Variants in KIF7 observed in about 807,000 individuals in gnomAD.
KIF7 encodes kinesin family member 7.
KIF7 carries 104 observed loss-of-function variants against 135.7 expected under a neutral mutation model. The observed-to-expected ratio is 0.77, with a 90% CI of 0.65 to 0.90. The LOEUF (loss-of-function observed/expected upper bound fraction) is 0.90, where lower values mean the gene tolerates loss of function less well. KIF7 is among the 40% of genes least tolerant of loss of function. The pLI is 0.00. For synonymous variants in KIF7, 883 were observed against 809.4 expected, an observed-to-expected ratio of 1.09 and a Z score of -1.54; for missense variants, 2,005 against 1,839.1, an observed-to-expected ratio of 1.09 and a Z score of -1.65.
intron 11 of KIF7, 129 bp downstream of exon 11, chr15:89,642,074 G>A: frequency 1.0e-6 from 1 of 960,288 alleles, no homozygotes; most frequent in Non-Finnish European, 1.6e-6. Context: ...TCACCCTGCA[G>A]GGCCAGGGCT....
rs1596064027 is a variant in KIF7 at position 89,628,697 on chromosome 15, A to G, written c.3754T>C (p.Ser1252Pro). The G allele has an allele frequency of 6.2e-7, 1 of 1,612,696 alleles. No individual in the cohort carries two copies. Among genetic ancestry groups the G allele is most frequent in the South Asian group, 1.1e-5 (1 of 91,068 alleles). ...LHLAPELLWL[S>P]PLTEGAPRTR... ...CGGGGGGCCCCCTCAGTGAGGGGGGACAGCCAGAGAAGCTCGGGTGCCAGG... is the reference window on the plus strand; with the variant it reads ...CGGGGGGCCCCCTCAGTGAGGGGGGGCAGCCAGAGAAGCTCGGGTGCCAGG... Residue 1252 changes from serine to proline, a missense_variant, in exon 19 of 19, where the codon TCC becomes CCC. Coordinates refer to ENST00000394412, the MANE Select transcript of KIF7 (RefSeq NM_198525.3).
downstream of KIF7, chr15:89,626,047 G>A (rs1394780799): frequency 6.2e-7 from 1 of 1,613,932 alleles, no homozygotes. Context: ...TCCTCTCAGA[G>A]CAAAGACCCC....
At chr15:89,629,896 T>G in intron 16 of KIF7, 1 of 522,534 alleles carries the variant, frequency 1.9e-6, no homozygotes, top group East Asian at 3.4e-5. Context: ...GACCAGATAA[T>G]TCTTGGTTGT....
chr15:89,652,664 A>G lies in KIF7; in HGVS notation c.267T>C (p.Thr89=). ...AGCCCGTCTGACCATAGGCAAAGAC[A>G]GTGGCATTGAAGCCCTCGAAGAAGG... ...LEAFFEGFNA[T]VFAYGQTGSG... The change falls in exon 2 of 19, where the codon ACT becomes ACC. Residue 89 remains threonine (T), a synonymous_variant. Coordinates refer to ENST00000394412, the MANE Select transcript of KIF7 (RefSeq NM_198525.3). The G allele has an allele frequency of 4.5e-6, 7 of 1,550,848 alleles. No homozygotes were observed. The highest frequency in any genetic ancestry group is 6.1e-6 in the Non-Finnish European group (7 of 1,146,152).
chr15:89,620,272 G>A (rs186396553), intron 1 of KIF7, among the ~76,000 whole-genome samples: 92 of 151,646 alleles, frequency 6.1e-4, no homozygotes, highest in Non-Finnish European at 9.9e-4. Context: ...GCAGTGGCAC[G>A]AACACAGCTC....
chr15:89,635,436 T>A (rs566212950), intron 11 of KIF7, among the ~76,000 whole-genome samples: 12 of 152,234 alleles, frequency 7.9e-5, no homozygotes, highest in Middle Eastern at 3.4e-3. Context: ...TGAAAAAAGT[T>A]TAGAAGAATG....
At chr15:89,627,245 C>CCAT (rs1963549075), downstream of KIF7, 2 of 829,716 alleles carry the variant, frequency 2.4e-6, no homozygotes, top group Non-Finnish European at 3.7e-6. Context: ...TGGATCCAAT[C>CCAT]CATCTCCTGG....
At chr15:89,660,312 G>GAT (rs1964245501), upstream of KIF7, among the ~76,000 whole-genome samples, 2 of 152,170 alleles carry the variant, frequency 1.3e-5, no homozygotes, top group Non-Finnish European at 2.9e-5. Flanking sequence ...TAGGACTTCT[G>GAT]ATTTTTAATT....
chr15:89,632,296 C>A lies in KIF7; in HGVS notation c.2895+524G>T, dbSNP rs75495109. On this transcript the variant is annotated intron_variant, in intron 14 of 18. Coordinates refer to ENST00000394412, the MANE Select transcript of KIF7 (RefSeq NM_198525.3). ...CCAGCCATCATGGTAACATTATGAT[C>A]CCATCTGACAGAAGACAACGCTGTG... Among the ~76,000 whole-genome samples the A allele has an allele frequency of 4.3e-3, 656 of 152,290 alleles. 3 individuals are homozygous for A. The highest frequency in any genetic ancestry group is 0.015 in the African/African-American group (636 of 41,550).
At chr15:89,617,794 C>A (rs551772662) in intron 2 of KIF7, among the ~76,000 whole-genome samples, 17 of 151,008 alleles carry the variant, frequency 1.1e-4, no homozygotes, top group Non-Finnish European at 2.4e-4. Flanking sequence ...CGGGTTCAAG[C>A]GATTCTCTTG....
Position 89,642,365 on chromosome 15 carries a change from A to G in KIF7, c.2232T>C (p.Arg744=), listed in dbSNP as rs1963939624. 1 of 1,609,546 alleles carries G rather than the reference A, an allele frequency of 6.2e-7. No individual in the cohort carries two copies. The highest frequency in any genetic ancestry group is 8.5e-7 in the Non-Finnish European group (1 of 1,178,632). Residue 744 remains arginine (R), a synonymous_variant, in exon 11 of 19, where the codon CGT becomes CGC. Transcript: ENST00000394412. ...AQALNRQHSQ[R]IRELEQEAEQ... is the part of the protein sequence containing the mutation. ...CTGCCTCCTGCTCCAGCTCCCGGAT[A>G]CGCTGGCTGTGCTGGCGGTTCAGGG...
At chr15:89,633,059 A>G (rs1351272841) in intron 13 of KIF7, 63 bp from the exon 14 acceptor site, 2 of 1,595,956 alleles carry the variant, frequency 1.3e-6, no homozygotes, top group Non-Finnish European at 1.7e-6. Flanking sequence ...GTCAGCCGCC[A>G]CTCGAGGTTC....
At position 89,652,881 on chromosome 15, in the gene KIF7, C is replaced by G; in HGVS notation, c.50G>C (p.Arg17Pro). 1 of 1,540,194 alleles carries G rather than the reference C, an allele frequency of 6.5e-7. No homozygotes were observed. Among genetic ancestry groups the G allele is most frequent in the Non-Finnish European group, 8.8e-7 (1 of 1,141,396 alleles). ...RLPGAEEAPV[R>P]VALRVRPLLP... ...CAGTGGTCGAACTCGCAGGGCAACC[C>G]GCACTGGGGCCTCCTCAGCCCCTGG... Residue 17 changes from arginine to proline, a missense_variant, in exon 2 of 19, where the codon CGG becomes CCG. By Grantham distance (103) the Arg-to-Pro change is moderately radical. Coordinates refer to ENST00000394412, the MANE Select transcript of KIF7 (RefSeq NM_198525.3).
downstream of KIF7, chr15:89,624,174 T>C (rs747714132): frequency 6.2e-7 from 1 of 1,614,004 alleles, no homozygotes. Flanking sequence ...AGGATAAAGC[T>C]ATCAAAACTC....
intron 8 of KIF7, 73 bp from the exon 9 acceptor site, chr15:89,645,524 G>A (rs1258796877): frequency 4.2e-5 from 52 of 1,243,828 alleles, no homozygotes; most frequent in Non-Finnish European, 5.3e-5. Flanking sequence ...AGGCCTGGAG[G>A]GAAGAAGAGA....
downstream of KIF7, chr15:89,624,418 T>G (rs377712128): frequency 3.1e-6 from 5 of 1,614,084 alleles, no homozygotes; most frequent in Non-Finnish European, 3.4e-6. Context: ...GAGAGCTACA[T>G]TGGACACCGT....
chr15:89,625,494 CA>C, downstream of KIF7: 1 of 1,613,954 alleles, frequency 6.2e-7, no homozygotes, highest in Middle Eastern at 1.6e-4. Context: ...TTGAACTCAG[CA>C]TCCACAGGAC....
chr15:89,635,445 T>C (rs986741885), intron 11 of KIF7, among the ~76,000 whole-genome samples: 2 of 152,198 alleles, frequency 1.3e-5, no homozygotes, highest in African/African-American at 4.8e-5. Flanking sequence ...TTTAGAAGAA[T>C]GTATAACTAG....
At chr15:89,633,053 G>A (rs1046137007) in intron 13 of KIF7, 57 bp from the exon 14 acceptor site, 3 of 1,582,244 alleles carry the variant, frequency 1.9e-6, no homozygotes, top group Non-Finnish European at 2.6e-6. Context: ...GGCTGTGTCA[G>A]CCGCCACTCG....
Sources: gnomAD v4.1 joint callset for allele counts (sites outside exome capture counted in the v4.1 genomes callset) on GRCh38, gnomAD v4.1.1 for gene constraint, MANE v1.5 for transcripts, NCBI Gene and HGNC (gene_info 2026-07-23, HGNC 2026-07-21) for gene names.